Variants in ALS2CL observed in about 807,000 individuals in gnomAD.
ALS2CL encodes ALS2 C-terminal-like protein.
A neutral mutation model predicts 127.9 loss-of-function variants in ALS2CL; 112 were observed. The observed-to-expected ratio is 0.88, with a 90% CI of 0.75 to 1.02. ALS2CL has a LOEUF of 1.02. ALS2CL is among the 50% of genes least tolerant of loss of function. ALS2CL has a pLI of 0.00. For synonymous variants in ALS2CL, 519 were observed against 527.6 expected, an observed-to-expected ratio of 0.98 and a Z score of 0.22; for missense variants, 1,174 against 1,236.7, an observed-to-expected ratio of 0.95 and a Z score of 0.76.
intron 22 of ALS2CL, among the ~76,000 whole-genome samples, chr3:46,672,414 A>G (rs1223790122): frequency 6.6e-6 from 1 of 152,232 alleles, no homozygotes; most frequent in Non-Finnish European, 1.5e-5. Context: ...AATAGTCTCC[A>G]TGAGGTTGGG....
At chr3:46,687,982 G>A in intron 3 of ALS2CL, 116 bp downstream of exon 3, 1 of 1,306,908 alleles carries the variant, frequency 7.7e-7, no homozygotes. Context: ...CATGGACTGA[G>A]CCCAAACCTT....
In ALS2CL at chr3:46,683,205, T is replaced by C; in HGVS notation, c.1034A>G (p.Tyr345Cys). Residue 345 changes from tyrosine to cysteine, a missense_variant, in exon 10 of 26, where the codon TAT (tyrosine) becomes TGT (cysteine). Tyr to Cys is a radical substitution (Grantham distance 194). Transcript: ENST00000318962. ...GAGCCGGCCCTCTGCCTGGAAGGTA[T>C]ATTCTGCGCAGCGGCAGTCGGGAGG... is the stretch of plus-strand genomic sequence containing the variant. ...SQPPDCRCAE[Y>C]TFQAEGRLCQ... 1 of 1,609,076 alleles carries C rather than the reference T, an allele frequency of 6.2e-7. No homozygotes were observed. Among genetic ancestry groups the C allele is most frequent in the Non-Finnish European group, 8.5e-7 (1 of 1,177,594 alleles).
At chr3:46,691,236 G>C (rs190494053) in intron 1 of ALS2CL, among the ~76,000 whole-genome samples, 2 of 152,292 alleles carry the variant, frequency 1.3e-5, no homozygotes, top group Non-Finnish European at 2.9e-5. Flanking sequence ...GCGCTTTGGG[G>C]GTGACCTTTT....
rs533393547 is a variant in ALS2CL, at chr3:46,669,123, C to T, written c.*1861G>A. ...CTCCGCTCACTGCAACCTCGACCCT[C>T]CAGGCTCAGGGATCTTCCCACCTCA... On this transcript the variant is annotated 3_prime_UTR_variant, in exon 26 of 26. Transcript: ENST00000318962. 1 of 152,272 alleles carries T rather than the reference C, an allele frequency of 6.6e-6. No homozygotes were observed. Among genetic ancestry groups the T allele is most frequent in the East Asian group, 1.9e-4 (1 of 5,174 alleles). 9.4% of individuals were successfully genotyped at this position (152,272 alleles called of 1,614,324 possible).
intron 22 of ALS2CL, 29 bp downstream of exon 22, chr3:46,673,310 C>A (rs1698556110): frequency 1.3e-6 from 2 of 1,554,588 alleles, no homozygotes; most frequent in South Asian, 2.4e-5. Flanking sequence ...CTGGGGGCCC[C>A]TGGCTTGGGG....
rs1230855274 is a variant in ALS2CL at position 46,673,319 on chromosome 3, G to A, written c.2472+20C>T. On this transcript the variant is annotated intron_variant, in intron 22 of 25. Transcript: ENST00000318962. Reference sequence around the variant, plus strand: ...GGACCTCTGGGGGCCCCTGGCTTGGGGCTCTGGCCTCCCTCTCACCTGATT... The same window carrying A: ...GGACCTCTGGGGGCCCCTGGCTTGGAGCTCTGGCCTCCCTCTCACCTGATT... The A allele has an allele frequency of 1.3e-6, 2 of 1,557,680 alleles. No homozygotes were observed. Among genetic ancestry groups the A allele is most frequent in the Non-Finnish European group, 1.7e-6 (2 of 1,150,740 alleles).
chr3:46,676,862 G>T lies in ALS2CL; in HGVS notation c.1918C>A (p.Leu640Met). The T allele has an allele frequency of 6.4e-7, 1 of 1,562,796 alleles. No homozygotes were observed. The highest frequency in any genetic ancestry group is 8.7e-7 in the Non-Finnish European group (1 of 1,149,164). The change falls in exon 17 of 26, where the codon CTG becomes ATG. Residue 640 changes from leucine (L) to methionine (M), a missense_variant. Coordinates refer to ENST00000318962, the MANE Select transcript of ALS2CL (RefSeq NM_147129.5). ...SRELRRSQDY[L>M]SCERTHPEDS... The stretch of plus-strand genomic sequence containing the variant: ...AGCCGGCCTCACCTCTCGCAGGACA[G>T]GTAATCCTGAGACCTACGCAGCTCC...
intron 10 of ALS2CL, among the ~76,000 whole-genome samples, chr3:46,682,732 T>C (rs1167770630): frequency 6.6e-6 from 1 of 152,184 alleles, no homozygotes; most frequent in Non-Finnish European, 1.5e-5. Flanking sequence ...TGTTTGTACC[T>C]ATGAAATGGG....
At chr3:46,671,119 T>C in intron 25 of ALS2CL, 55 bp from the exon 26 acceptor site, 2 of 1,546,404 alleles carry the variant, frequency 1.3e-6, no homozygotes, top group Non-Finnish European at 8.9e-7. Flanking sequence ...CCCAACCACA[T>C]GCACAGGATC....
intron 16 of ALS2CL, among the ~76,000 whole-genome samples, chr3:46,677,866 G>A (rs1333175052): frequency 6.6e-6 from 1 of 152,128 alleles, no homozygotes; most frequent in Non-Finnish European, 1.5e-5. Context: ...CTCAGAGCCA[G>A]GCTCAATGAT....
chr3:46,671,716 C>CACTCT, intron 24 of ALS2CL, 132 bp from the exon 25 acceptor site: 1 of 1,537,502 alleles, frequency 6.5e-7, no homozygotes, highest in Non-Finnish European at 8.7e-7. Context: ...CTACCTCTAG[C>CACTCT]ACCCCAGCAC....
rs1051203483 is a variant in ALS2CL at position 46,669,416 on chromosome 3, A to G, written c.*1568T>C. ...TGCAGCAAGGGCTCGCAGATCTCAA[A>G]GGAGGCAGGGAAGTGTGCTGGGGTC... On this transcript the variant is annotated 3_prime_UTR_variant, in exon 26 of 26. Transcript: ENST00000318962. 6.6e-6 allele frequency: 1 copy of G among 152,298 alleles called. No homozygotes were observed. Among genetic ancestry groups the G allele is most frequent in the Non-Finnish European group, 1.5e-5 (1 of 68,116 alleles). 9.4% of individuals were successfully genotyped at this position (152,298 alleles called of 1,614,324 possible).
Position 46,681,910 on chromosome 3 carries a change from TA to T in ALS2CL, c.1175+118del. ...GGCGGGGGCTGGACCGGATTGTCTC[TA>T]AGTTCCTGCTTGAGGTTTGGGAATT... is the stretch of plus-strand genomic sequence containing the variant. On this transcript the variant is annotated intron_variant, in intron 11 of 25. Coordinates refer to ENST00000318962, the MANE Select transcript of ALS2CL (RefSeq NM_147129.5). This position sits in a 1 kb window ranked among gnomAD's most constrained non-coding sequence, Gnocchi z 4.9. 1 of 1,286,350 alleles carries T rather than the reference TA, an allele frequency of 7.8e-7. No individual in the cohort carries two copies. 79.7% of individuals were successfully genotyped at this position (1,286,350 alleles called of 1,614,324 possible).
In ALS2CL at chr3:46,675,314, T is replaced by G. The variant is rs192986847; in HGVS notation, c.2255+304A>C. ...CCAGCCCTCGGTTTCCCCATCTGTG[T>G]GCAGGGAGAGGAGGGTGCCTCGGGG... On this transcript the variant is annotated intron_variant, in intron 20 of 25. Transcript: ENST00000318962. The G allele has an allele frequency of 1.3e-4, 49 of 375,244 alleles. No individual in the cohort carries two copies. In the East Asian group the frequency reaches 2.5e-3, roughly 19 times the overall value. 23.2% of individuals were successfully genotyped at this position (375,244 alleles called of 1,614,324 possible).
At chr3:46,684,856 G>A (rs1442996174) in intron 7 of ALS2CL, among the ~76,000 whole-genome samples, 2 of 152,176 alleles carry the variant, frequency 1.3e-5, no homozygotes, top group African/African-American at 4.8e-5. Context: ...GGGGACACAG[G>A]TCTAGGCTGG....
Position 46,674,678 on chromosome 3 carries a change from A to G in ALS2CL, c.2317T>C (p.Phe773Leu). The G allele has an allele frequency of 1.2e-6, 2 of 1,614,168 alleles. No individual in the cohort carries two copies. The highest frequency in any genetic ancestry group is 1.7e-4 in the Middle Eastern group (1 of 6,060). Residue 773 changes from phenylalanine to leucine, a missense_variant, in exon 21 of 26, where the codon TTC becomes CTC. Transcript: ENST00000318962. ...LMLPSFYSELFTLYLLLHERE... is the reference protein window; with the variant it reads ...LMLPSFYSELLTLYLLLHERE... ...TCATGAAGCAGCAGGTAGAGCGTGA[A>G]GAGCTCTGAGTAGAAGCTGGGCAGC...
chr3:46,675,291 A>C lies in ALS2CL; in HGVS notation c.2255+327T>G, dbSNP rs550208144. On this transcript the variant is annotated intron_variant, in intron 20 of 25. Transcript: ENST00000318962. ...GTATAACCTCAGGCTCATCCCTACC[A>C]GCCCTCGGTTTCCCCATCTGTGTGC... 1.9e-5 allele frequency: 6 copies of C among 318,986 alleles called. No individual in the cohort carries two copies. The East Asian group carries it at 2.7e-4, about 14-fold the overall frequency. The allele number at this position is 318,986 out of a possible 1,614,324, so 19.8% of individuals were successfully genotyped here. A position where few individuals can be genotyped will look rare whatever the true frequency, so the allele number is the denominator to read the frequency against.
In ALS2CL at chr3:46,681,913, G is replaced by T; in HGVS notation, c.1175+116C>A. The T allele has an allele frequency of 7.7e-7, 1 of 1,303,560 alleles. No individual in the cohort carries two copies. Among genetic ancestry groups the T allele is most frequent in the South Asian group, 1.3e-5 (1 of 74,618 alleles). 80.7% of individuals were successfully genotyped at this position (1,303,560 alleles called of 1,614,324 possible). A position where few individuals can be genotyped will look rare whatever the true frequency, so the allele number is the denominator to read the frequency against. ...GGGGGCTGGACCGGATTGTCTCTAA[G>T]TTCCTGCTTGAGGTTTGGGAATTCA... On this transcript the variant is annotated intron_variant, in intron 11 of 25. Transcript: ENST00000318962. This position sits in a 1 kb window ranked among gnomAD's most constrained non-coding sequence, Gnocchi z 4.9.
In ALS2CL at chr3:46,687,016, G is replaced by A. The variant is rs756631170; in HGVS notation, c.501C>T (p.Leu167=). 1.9e-6 allele frequency: 3 copies of A among 1,604,746 alleles called. No homozygotes were observed. The highest frequency in any genetic ancestry group is 1.7e-5 in the Admixed American group (1 of 59,756). The change falls in exon 5 of 26, where the codon CTC becomes CTT. Residue 167 remains leucine, a synonymous_variant. Transcript: ENST00000318962. ...TGGTGTCCCCGAGGCTCAGCAGGAG[G>A]AGCACGTACTGTTGCACGTGATGGG... ...PLAHHVQQYV[L]LLLSLGDTIG... is the part of the protein sequence containing the mutation.
Sources: allele counts gnomAD v4.1 joint callset (sites outside exome capture counted in the v4.1 genomes callset), GRCh38; gene constraint gnomAD v4.1.1; non-coding constraint Gnocchi (gnomAD v3.1); transcripts MANE v1.5; gene names NCBI Gene and HGNC (gene_info 2026-07-23, HGNC 2026-07-21).